The following GPC5 variants were observed in gnomAD, a reference collection of about 807,000 sequenced individuals.
GPC5 encodes the protein glypican-5.
Under a neutral mutation model 53.9 loss-of-function variants are expected in GPC5, and 47 were observed. The ratio of observed to expected loss-of-function variants is 0.87; its 90% CI spans 0.69 to 1.11. The LOEUF is 1.11. GPC5 is among the 50% of genes most tolerant of loss of function. The pLI, the probability that GPC5 is intolerant of heterozygous loss-of-function variation, is 0.00. For synonymous variants in GPC5, 286 were observed against 263.3 expected (o/e 1.09, Z -0.84); for missense variants, 748 against 713.1 (o/e 1.05, Z -0.56).
Position 91,756,311 on chromosome 13 carries a change from C to G in GPC5, c.1171C>G (p.Leu391Val). The G allele has an allele frequency of 2.0e-6, 3 of 1,534,786 alleles. No individual in the cohort carries two copies. The highest frequency in any genetic ancestry group is 2.5e-5 in the South Asian group (2 of 79,876). The change falls in exon 5 of 8, where the codon CTT (leucine) becomes GTT (valine). Residue 391 changes from leucine (L) to valine (V), a missense_variant. By Grantham distance (32) the Leu-to-Val change is conservative. Transcript: ENST00000377067. ...TTCATTTAGAGAATTTATCAACAGCCTTCGACTGTACAGGTCATTCTATGG... is the reference window on the plus strand; with the variant it reads ...TTCATTTAGAGAATTTATCAACAGCGTTCGACTGTACAGGTCATTCTATGG... ...ANRRKEFINSLRLYRSFYGGL... is the reference protein window; with the variant it reads ...ANRRKEFINSVRLYRSFYGGL...
At chr13:92,548,868 T>C (rs755430229) in intron 7 of GPC5, among the ~76,000 whole-genome samples, 4 of 151,990 alleles carry the variant, frequency 2.6e-5, no homozygotes, top group Admixed American at 6.6e-5. Context: ...TCAAAACATC[T>C]CATGTGCCGC....
chr13:92,207,572 ATCTG>A (rs1361746323), intron 7 of GPC5, among the ~76,000 whole-genome samples: 4 of 152,230 alleles, frequency 2.6e-5, no homozygotes, highest in Admixed American at 2.6e-4. Flanking sequence ...GAAGAAAGGA[ATCTG>A]TCTATTGAGA....
At chr13:92,174,538 G>GAAAA (rs545251875) in intron 7 of GPC5, among the ~76,000 whole-genome samples, 1 of 113,552 alleles carries the variant, frequency 8.8e-6, no homozygotes, top group Admixed American at 8.5e-5. Flanking sequence ...CCAACTCAAA[G>GAAAA]AAAAAAAAAA....
intron 7 of GPC5, among the ~76,000 whole-genome samples, chr13:92,324,625 A>G (rs2043238015): frequency 6.9e-6 from 1 of 145,960 alleles, no homozygotes; most frequent in African/African-American, 2.7e-5. Context: ...GAATAGCTGT[A>G]CTACATATCA....
chr13:92,170,650 C>T (rs554407723), intron 7 of GPC5, among the ~76,000 whole-genome samples: 21 of 152,090 alleles, frequency 1.4e-4, no homozygotes, highest in Admixed American at 1.3e-4. Flanking sequence ...GTTTTGAACT[C>T]GTGACCTCAG....
intron 5 of GPC5, among the ~76,000 whole-genome samples, chr13:91,819,873 A>G (rs2038463375): frequency 6.6e-6 from 1 of 152,208 alleles, no homozygotes; most frequent in South Asian, 2.1e-4. Flanking sequence ...ATATGAGATG[A>G]CATCTCCACA....
At chr13:92,289,463 ATTAT>A (rs2042978874) in intron 7 of GPC5, among the ~76,000 whole-genome samples, 1 of 152,070 alleles carries the variant, frequency 6.6e-6, no homozygotes, top group African/African-American at 2.4e-5. Flanking sequence ...AATATCATGA[ATTAT>A]TTAATAACAT....
intron 7 of GPC5, among the ~76,000 whole-genome samples, chr13:92,460,662 A>T (rs958924392): frequency 6.6e-6 from 1 of 152,208 alleles, no homozygotes; most frequent in African/African-American, 2.4e-5. Context: ...CCCATAAGGA[A>T]GAAAATATTG....
chr13:91,643,974 GTTAAGACTTCAACATATGAATTAAAATT>G (rs2034496848), intron 2 of GPC5, among the ~76,000 whole-genome samples: 1 of 27,530 alleles, frequency 3.6e-5, no homozygotes, highest in Non-Finnish European at 2.2e-4. Flanking sequence ...AAATTCATAT[GTTAAGACTTCAACATATGAATTAAAATT>G]CATATGTTAA....
At chr13:92,705,350 A>C (rs1212137099) in intron 7 of GPC5, among the ~76,000 whole-genome samples, 2 of 152,144 alleles carry the variant, frequency 1.3e-5, no homozygotes, top group Non-Finnish European at 2.9e-5. Flanking sequence ...CAGTTTACCA[A>C]GACTAAATAG....
At chr13:92,728,187 ATTTC>A (rs1441903088) in intron 7 of GPC5, among the ~76,000 whole-genome samples, 1 of 151,478 alleles carries the variant, frequency 6.6e-6, no homozygotes, top group Non-Finnish European at 1.5e-5. Flanking sequence ...AAACGAACTG[ATTTC>A]TTTACCATTA....
intron 7 of GPC5, among the ~76,000 whole-genome samples, chr13:92,248,150 T>C (rs911118854): frequency 2.0e-5 from 3 of 151,908 alleles, no homozygotes; most frequent in Non-Finnish European, 4.4e-5. Context: ...AGATGAATAC[T>C]GTACAATACT....
At chr13:92,460,578 G>T (rs951843957) in intron 7 of GPC5, among the ~76,000 whole-genome samples, 2 of 152,066 alleles carry the variant, frequency 1.3e-5, no homozygotes, top group African/African-American at 4.8e-5. Context: ...CACATTCAAG[G>T]GGCTTATGCA....
chr13:91,706,159 A>G (rs1294102032), intron 3 of GPC5, among the ~76,000 whole-genome samples: 5 of 151,142 alleles, frequency 3.3e-5, no homozygotes, highest in Admixed American at 6.6e-5. Flanking sequence ...GATTACAGGC[A>G]TGAGCCACCG....
intron 5 of GPC5, among the ~76,000 whole-genome samples, chr13:91,816,368 T>C (rs918586295): frequency 2.0e-5 from 3 of 152,148 alleles, no homozygotes; most frequent in Non-Finnish European, 4.4e-5. Context: ...TTCAAGGAGA[T>C]GGTACTTCAG....
At chr13:91,478,891 ATATATATATATG>A (rs202071847) in intron 2 of GPC5, among the ~76,000 whole-genome samples, 14,424 of 125,384 alleles carry the variant, frequency 0.12, 1,824 homozygotes, top group African/African-American at 0.23. Context: ...TTATATATAT[ATATATATATATG>A]CACATATATA....
At chr13:92,297,411 C>T (rs1470161650) in intron 7 of GPC5, among the ~76,000 whole-genome samples, 1 of 138,522 alleles carries the variant, frequency 7.2e-6, no homozygotes, top group Non-Finnish European at 1.6e-5. Flanking sequence ...TATCCAGCTG[C>T]TCTGGTGAGG....
chr13:91,828,926 G>T (rs1227352669), intron 5 of GPC5, among the ~76,000 whole-genome samples: 1 of 152,002 alleles, frequency 6.6e-6, no homozygotes, highest in African/African-American at 2.4e-5. Flanking sequence ...CAAAAATGAT[G>T]AATATGTGCT....
intron 2 of GPC5, among the ~76,000 whole-genome samples, chr13:91,518,699 C>T (rs1184872531): frequency 6.6e-6 from 1 of 152,136 alleles, no homozygotes; most frequent in African/African-American, 2.4e-5. Context: ...ACTACAGGTG[C>T]CTGCCACTAT....
Sources: allele counts gnomAD v4.1 joint callset (sites outside exome capture counted in the v4.1 genomes callset), GRCh38; gene constraint gnomAD v4.1.1; transcripts MANE v1.5; gene names NCBI Gene and HGNC (gene_info 2026-07-23, HGNC 2026-07-21).